Variants in TOP1MT observed in about 807,000 individuals in gnomAD.
TOP1MT encodes DNA topoisomerase I, mitochondrial.
TOP1MT carries 80 observed loss-of-function variants against 73.9 expected under a neutral mutation model. The ratio of observed to expected loss-of-function variants is 1.08; its 90% CI spans 0.90 to 1.30. The LOEUF (loss-of-function observed/expected upper bound fraction) is 1.30. Ranked by LOEUF, TOP1MT falls within the 50% of genes most tolerant of loss-of-function variation. The pLI is 0.00. For synonymous variants in TOP1MT, 338 were observed against 326.4 expected (o/e 1.04, Z -0.38); for missense variants, 815 against 808.0 (o/e 1.01, Z -0.10).
At chr8:143,330,887 G>A (rs955160257) in intron 2 of TOP1MT, among the ~76,000 whole-genome samples, 4 of 147,426 alleles carry the variant, frequency 2.7e-5, no homozygotes, top group Admixed American at 6.8e-5. Context: ...GTGTGTACAC[G>A]CAGTGTACGT....
chr8:143,309,450 A>G lies in TOP1MT; in HGVS notation c.1797T>C (p.Phe599=). Residue 599 remains phenylalanine (F), a synonymous_variant, in exon 14 of 14, where the codon TTT becomes TTC. Transcript: ENST00000329245. ...AWALAMAGED[F]EF ...TCAACACGGCTCGTCGTTAGAATTC[A>G]AAGTCTTCTCCTGCCATGGCGAGAG... is the stretch of plus-strand genomic sequence containing the variant. 1 of 1,613,268 alleles carries G rather than the reference A, an allele frequency of 6.2e-7. No individual in the cohort carries two copies. The highest frequency in any genetic ancestry group is 8.5e-7 in the Non-Finnish European group (1 of 1,179,528).
intron 1 of TOP1MT, chr8:143,343,696 G>A (rs1346528885): frequency 6.2e-6 from 1 of 161,230 alleles, no homozygotes; most frequent in Non-Finnish European, 1.4e-5. Context: ...GAAGAAGTGT[G>A]AGAAAATATA....
chr8:143,348,244 C>CA (rs1817261803), upstream of TOP1MT, among the ~76,000 whole-genome samples: 1 of 152,220 alleles, frequency 6.6e-6, no homozygotes, highest in Non-Finnish European at 1.5e-5. The surrounding 1 kb of genome is among the most constrained non-coding windows in gnomAD (Gnocchi z 4.6). Context: ...TAGTGAGCAG[C>CA]AGACATGTGA....
At chr8:143,317,686 TC>T (rs3215410) in intron 10 of TOP1MT, 36 bp downstream of exon 10, 1,331,225 of 1,571,578 alleles carry the variant, frequency 0.85, 564,616 homozygotes, top group South Asian at 0.92. Flanking sequence ...GGGGCCGTGC[TC>T]CCCCCGCGCT....
intron 13 of TOP1MT, 30 bp downstream of exon 13, chr8:143,310,038 G>C: frequency 7.5e-6 from 12 of 1,607,366 alleles, no homozygotes; most frequent in Non-Finnish European, 1.0e-5. Flanking sequence ...ATAGGCCACA[G>C]GTGGGAACTG....
intron 8 of TOP1MT, among the ~76,000 whole-genome samples, chr8:143,320,771 G>A (rs1816309356): frequency 6.6e-6 from 1 of 152,306 alleles, no homozygotes; most frequent in East Asian, 1.9e-4. Flanking sequence ...AGGATCCGTG[G>A]CCCCACCAGA....
At chr8:143,324,196 G>A in intron 6 of TOP1MT, 54 bp from the exon 7 acceptor site, 1 of 1,599,840 alleles carries the variant, frequency 6.3e-7, no homozygotes, top group South Asian at 1.1e-5. Context: ...TTAAATAACG[G>A]AGGAGGCTGT....
At chr8:143,321,810 T>TCACC (rs1816401475) in intron 7 of TOP1MT, among the ~76,000 whole-genome samples, 2 of 6,560 alleles carry the variant, frequency 3.0e-4, no homozygotes, top group African/African-American at 9.4e-4. Context: ...ACACGCACGC[T>TCACC]ACACACACAC....
At chr8:143,355,572 A>G (rs977337601) in intron 1 of TOP1MT, 1 of 152,234 alleles carries the variant, frequency 6.6e-6, no homozygotes, top group African/African-American at 2.4e-5. Context: ...TCTTTGAAAA[A>G]GATGTGGTCA....
chr8:143,323,512 CCA>C (rs753875611), intron 7 of TOP1MT, among the ~76,000 whole-genome samples: 5 of 107,374 alleles, frequency 4.7e-5, no homozygotes, highest in African/African-American at 9.6e-5. Context: ...CACAGGCACG[CCA>C]CACACACATG....
intron 2 of TOP1MT, among the ~76,000 whole-genome samples, chr8:143,330,148 G>A (rs113015928): frequency 5.3e-5 from 8 of 152,364 alleles, no homozygotes; most frequent in African/African-American, 1.9e-4. Context: ...TCAGGACAGA[G>A]GACGAGAGGC....
chr8:143,329,549 A>C, intron 2 of TOP1MT, 78 bp from the exon 3 acceptor site: 1 of 1,538,732 alleles, frequency 6.5e-7, no homozygotes, highest in Non-Finnish European at 8.7e-7. Flanking sequence ...TCATTGCTTT[A>C]AACTACGCTT....
chr8:143,334,462 A>C (rs1368314846), intron 1 of TOP1MT, among the ~76,000 whole-genome samples: 1 of 152,126 alleles, frequency 6.6e-6, no homozygotes, highest in Admixed American at 6.5e-5. Context: ...CAGCTACACA[A>C]ATGATGAAAC....
At chr8:143,323,511 G>A (rs1440830908) in intron 7 of TOP1MT, among the ~76,000 whole-genome samples, 4 of 104,484 alleles carry the variant, frequency 3.8e-5, no homozygotes, top group South Asian at 6.3e-4. Context: ...ACACAGGCAC[G>A]CCACACACAC....
intron 7 of TOP1MT, among the ~76,000 whole-genome samples, chr8:143,322,526 A>ACGCCACACAGGCT (rs1816481732): frequency 8.5e-6 from 1 of 117,388 alleles, no homozygotes. Flanking sequence ...CACAACAGGC[A>ACGCCACACAGGCT]CGCCAAAGAT....
chr8:143,321,650 GGCACGCCACACA>G lies in TOP1MT; in HGVS notation c.961-276_961-265del, dbSNP rs1563758071. Among the ~76,000 whole-genome samples the G allele has an allele frequency of 2.5e-3, 103 of 41,766 alleles. 6 individuals are homozygous for G. The highest frequency in any genetic ancestry group is 8.7e-3 in the African/African-American group (101 of 11,604). The allele number at this position is 41,766 out of a possible 152,430, so 27.4% of individuals were successfully genotyped here. On this transcript the variant is annotated intron_variant, in intron 7 of 13. Coordinates refer to ENST00000329245, the MANE Select transcript of TOP1MT (RefSeq NM_052963.3). Reference sequence around the variant, plus strand: ...GCCACACACAGGCACGCCACACACAGGCACGCCACACACACGCACGCCACACACGCACGCCAC... The same window carrying G: ...GCCACACACAGGCACGCCACACACAGCACGCACGCCACACACGCACGCCAC...
At chr8:143,325,889 G>C (rs1034933499) in intron 4 of TOP1MT, among the ~76,000 whole-genome samples, 2 of 152,220 alleles carry the variant, frequency 1.3e-5, no homozygotes, top group African/African-American at 4.8e-5. Context: ...AGCACGGCAG[G>C]TTCCTGTTAG....
At chr8:143,329,648 G>A (rs936933404) in intron 2 of TOP1MT, among the ~76,000 whole-genome samples, 177 bp from the exon 3 acceptor site, 10 of 152,214 alleles carry the variant, frequency 6.6e-5, no homozygotes, top group African/African-American at 1.9e-4. Context: ...ATCAACCTGC[G>A]TGGAGGTGGC....
upstream of TOP1MT, among the ~76,000 whole-genome samples, chr8:143,347,003 A>C (rs1817234249): frequency 8.1e-6 from 1 of 124,190 alleles, no homozygotes; most frequent in Non-Finnish European, 1.8e-5. Context: ...ATTTATTTTG[A>C]GAGATGGAGT....
Sources: allele counts gnomAD v4.1 joint callset (sites outside exome capture counted in the v4.1 genomes callset), GRCh38; gene constraint gnomAD v4.1.1; non-coding constraint Gnocchi (gnomAD v3.1); transcripts MANE v1.5; gene names NCBI Gene and HGNC (gene_info 2026-07-23, HGNC 2026-07-21).